MID1: variants seen among roughly 807,000 people sequenced by gnomAD.
The protein encoded by MID1 is E3 ubiquitin-protein ligase Midline-1.
MID1 carries 7 observed loss-of-function variants against 40.4 expected under a neutral mutation model. That is an observed-to-expected ratio of 0.17 (90% confidence interval 0.10 to 0.33). The LOEUF is 0.33. Ranked by LOEUF, MID1 falls within the 10% of genes least tolerant of loss-of-function variation. The probability of loss-of-function intolerance (pLI) is 1.00; values close to 1 mark genes in which losing one functional copy is unlikely to be tolerated. For synonymous variants in MID1, 229 were observed against 221.2 expected (o/e 1.04, Z -0.31); for missense variants, 367 against 558.5 (o/e 0.66, Z 3.46).
upstream of MID1, among the ~76,000 whole-genome samples, chrX:10,620,975 C>T (rs983332472): frequency 9.0e-6 from 1 of 111,723 alleles, no homozygotes; most frequent in South Asian, 3.7e-4. Context: ...GAAAGGAAAC[C>T]AAATTGTTAT....
At chrX:10,771,574 C>T (rs1365091822) in intron 1 of MID1, among the ~76,000 whole-genome samples, 1 of 108,645 alleles carries the variant, frequency 9.2e-6, no homozygotes, top group Non-Finnish European at 1.9e-5. Context: ...TTACTGCAAC[C>T]TCCACCTCCC....
At chrX:10,637,328 A>G (rs5934919) in intron 1 of MID1, among the ~76,000 whole-genome samples, 6,256 of 107,659 alleles carry the variant, frequency 0.058, 187 homozygotes, top group Middle Eastern at 0.089. Flanking sequence ...TTTTTTTTTT[A>G]GTAATTAACC....
At chrX:10,698,269 CAG>C (rs2043173641) in intron 1 of MID1, among the ~76,000 whole-genome samples, 2 of 108,167 alleles carry the variant, frequency 1.8e-5, no homozygotes, top group African/African-American at 6.7e-5. Flanking sequence ...CCAGAAAAAA[CAG>C]AGAAATGAAA....
At chrX:10,560,177 T>C (rs1934278094) in intron 2 of MID1, among the ~76,000 whole-genome samples, 1 of 111,190 alleles carries the variant, frequency 9.0e-6, no homozygotes, top group African/African-American at 3.3e-5. Context: ...TGAGCCCCCA[T>C]GCCCAGCCAT....
intron 1 of MID1, among the ~76,000 whole-genome samples, chrX:10,803,031 G>A (rs1199403567): frequency 9.0e-6 from 1 of 110,823 alleles, no homozygotes; most frequent in Admixed American, 9.6e-5. Context: ...TTATAGGGGA[G>A]AGAGAGGGAT....
chrX:10,699,865 C>T (rs914429178), intron 1 of MID1, among the ~76,000 whole-genome samples: 5 of 108,605 alleles, frequency 4.6e-5, no homozygotes, highest in African/African-American at 1.0e-4. Flanking sequence ...TCTTGTTGCC[C>T]AGGTTGGAGT....
Position 10,692,086 on chromosome X carries a change from TG to T in MID1, c.-186-71668del, listed in dbSNP as rs767866329. 1.2e-4 allele frequency among the ~76,000 whole-genome samples: 13 copies of T among 112,028 alleles called. No homozygotes were observed. The South Asian group carries it at 4.2e-3, about 36-fold the overall frequency. On this transcript the variant is annotated intron_variant, in intron 1 of 10. Coordinates refer to the MID1 transcript ENST00000380785. The stretch of plus-strand genomic sequence containing the variant: ...TGTTAAGATGTTTATCAAGACAATG[TG>T]TGCACAGCGGGACATGGACCCTCAT...
At chrX:10,498,172 CGGCTCACTGCATCCTCGACCTCT>C (rs1931359142) in intron 3 of MID1, among the ~76,000 whole-genome samples, 1 of 112,179 alleles carries the variant, frequency 8.9e-6, no homozygotes, top group Non-Finnish European at 1.9e-5. Flanking sequence ...GGTGCCATAA[CGGCTCACTGCATCCTCGACCTCT>C]CAGGCTCAAG....
intron 1 of MID1, among the ~76,000 whole-genome samples, chrX:10,581,456 T>A (rs1221943467): frequency 1.8e-5 from 2 of 111,122 alleles, no homozygotes; most frequent in Non-Finnish European, 3.8e-5. Flanking sequence ...ATCTTAAGGG[T>A]CCTTTGAGGA....
intron 1 of MID1, among the ~76,000 whole-genome samples, chrX:10,831,813 GTCTT>G (rs1366481664): frequency 2.7e-5 from 3 of 111,616 alleles, no homozygotes; most frequent in Non-Finnish European, 5.6e-5. Context: ...AGACTTATCT[GTCTT>G]TCTGGTTATA....
intron 1 of MID1, among the ~76,000 whole-genome samples, chrX:10,605,974 C>A (rs1226429376): frequency 9.0e-6 from 1 of 111,244 alleles, no homozygotes; most frequent in African/African-American, 3.3e-5. Context: ...CCGGGAGATT[C>A]ATATTACAGT....
intron 2 of MID1, among the ~76,000 whole-genome samples, chrX:10,533,411 G>GAAAGAAAGAA (rs1225992999): frequency 2.2e-4 from 20 of 89,313 alleles, no homozygotes; most frequent in African/African-American, 8.2e-4. Context: ...AAGAAAGAAA[G>GAAAGAAAGAA]AAAGAAAGAA....
chrX:10,478,490 A>G (rs1930133594), intron 5 of MID1, among the ~76,000 whole-genome samples: 1 of 111,973 alleles, frequency 8.9e-6, no homozygotes, highest in African/African-American at 3.2e-5. Context: ...TCACTCATTC[A>G]CTCATGTCAG....
chrX:10,824,749 G>A (rs886975226), intron 1 of MID1, among the ~76,000 whole-genome samples: 2 of 111,416 alleles, frequency 1.8e-5, no homozygotes, highest in African/African-American at 3.3e-5. Flanking sequence ...AGTGGAAAGA[G>A]AAAGGTCTTT....
At chrX:10,490,612 A>G (rs935084820) in intron 4 of MID1, among the ~76,000 whole-genome samples, 6 of 112,254 alleles carry the variant, frequency 5.3e-5, no homozygotes, top group African/African-American at 1.6e-4. Flanking sequence ...CATATTAAAA[A>G]AAATTTTTGT....
chrX:10,770,962 C>T (rs1369175308), intron 1 of MID1, among the ~76,000 whole-genome samples: 2 of 109,114 alleles, frequency 1.8e-5, no homozygotes, highest in African/African-American at 6.7e-5. Flanking sequence ...AAAAATTAGC[C>T]GGGCGTGGTG....
At chrX:10,674,152 G>A (rs776637322) in intron 1 of MID1, among the ~76,000 whole-genome samples, 1 of 112,365 alleles carries the variant, frequency 8.9e-6, no homozygotes, top group Non-Finnish European at 1.9e-5. Flanking sequence ...TAATTCACGA[G>A]AAACCTTTCT....
At chrX:10,651,453 A>G (rs1602496650) in intron 1 of MID1, among the ~76,000 whole-genome samples, 1 of 112,436 alleles carries the variant, frequency 8.9e-6, no homozygotes, top group East Asian at 2.8e-4. Flanking sequence ...GTTTCTACCT[A>G]TAGAACCCAG....
chrX:10,556,854 T>G (rs1418327244), intron 2 of MID1, among the ~76,000 whole-genome samples: 1 of 112,537 alleles, frequency 8.9e-6, no homozygotes, highest in Non-Finnish European at 1.9e-5. Flanking sequence ...TTTTCCAGAA[T>G]GTTTATGCCA....
Sources: allele counts gnomAD v4.1 joint callset (sites outside exome capture counted in the v4.1 genomes callset), GRCh38; gene constraint gnomAD v4.1.1; transcripts MANE v1.5; gene names NCBI Gene and HGNC (gene_info 2026-07-23, HGNC 2026-07-21).